The following UPK3A variants were observed in gnomAD, a reference collection of about 807,000 sequenced individuals.
UPK3A encodes the protein uroplakin-3a.
A neutral mutation model predicts 27.6 loss-of-function variants in UPK3A; 32 were observed. That is an observed-to-expected ratio of 1.16 (90% confidence interval 0.87 to 1.55). The LOEUF (loss-of-function observed/expected upper bound fraction) is 1.55, where lower values mean the gene tolerates loss of function less well. UPK3A is among the 40% of genes most tolerant of loss of function. UPK3A has a pLI of 0.00. For missense variants in UPK3A, 370 were observed against 367.9 expected (o/e 1.01, Z -0.05); for synonymous variants, 171 against 163.9 (o/e 1.04, Z -0.33).
At position 45,293,492 on chromosome 22, in the gene UPK3A, G is replaced by A. The variant is rs534257833; in HGVS notation, c.704+179G>A. ...GAGCAGAGTCCTGGGATTTCAAAGC[G>A]GGAGGATCATCAAAGTCAAGTTGCT... On this transcript the variant is annotated intron_variant, in intron 5 of 5. Transcript: ENST00000216211. Among the ~76,000 whole-genome samples, 7 of 152,246 alleles carry A rather than the reference G, an allele frequency of 4.6e-5. No individual in the cohort carries two copies. In the East Asian group the frequency reaches 7.7e-4, roughly 17 times the overall value.
At chr22:45,285,401 G>T (rs932306788) in intron 1 of UPK3A, among the ~76,000 whole-genome samples, 4 of 152,174 alleles carry the variant, frequency 2.6e-5, no homozygotes, top group African/African-American at 4.8e-5. Flanking sequence ...TTCATGGAGG[G>T]GAGACAATAT....
intron 1 of UPK3A, 64 bp downstream of exon 1, chr22:45,285,129 C>T: frequency 6.9e-7 from 1 of 1,444,728 alleles, no homozygotes; most frequent in Non-Finnish European, 9.3e-7. Context: ...CCCTGGGGCG[C>T]CCGCCGCCTG....
At chr22:45,291,447 AGT>A (rs796958228) in intron 4 of UPK3A, among the ~76,000 whole-genome samples, 341 of 132,120 alleles carry the variant, frequency 2.6e-3, no homozygotes, top group African/African-American at 9.4e-3. Context: ...GTGGTGTGAG[AGT>A]GTGGCAGGTG....
chr22:45,287,032 T>C (rs952914865), intron 2 of UPK3A, 140 bp from the exon 3 acceptor site: 48 of 1,269,406 alleles, frequency 3.8e-5, no homozygotes, highest in Middle Eastern at 5.3e-4. Context: ...GGGCAGAGAC[T>C]AAGTTTGCCC....
intron 5 of UPK3A, among the ~76,000 whole-genome samples, chr22:45,294,490 T>A (rs1237637796): frequency 6.6e-6 from 1 of 151,868 alleles, no homozygotes; most frequent in East Asian, 1.9e-4. Flanking sequence ...GAGTCCCGGG[T>A]TGTAGGCCCC....
rs1230939832 is a variant in UPK3A, at chr22:45,291,734, G to C, written c.572-1447G>C. On this transcript the variant is annotated intron_variant, in intron 4 of 5. Transcript: ENST00000216211. ...GTGTGTGTGAGTTGGTATGCGTGGT[G>C]TGTGTAACTGTGTGTGTGTGAGTTG... Among the ~76,000 whole-genome samples, 3 of 150,532 alleles carry C rather than the reference G, an allele frequency of 2.0e-5. No homozygotes were observed. The East Asian group carries it at 5.9e-4, about 30-fold the overall frequency.
At chr22:45,288,598 G>A (rs2084136435) in intron 3 of UPK3A, among the ~76,000 whole-genome samples, 1 of 152,226 alleles carries the variant, frequency 6.6e-6, no homozygotes, top group Non-Finnish European at 1.5e-5. Context: ...CTCCCAAACT[G>A]TTGGGATTAC....
At chr22:45,294,677 T>C (rs2084183354) in intron 5 of UPK3A, among the ~76,000 whole-genome samples, 1 of 152,150 alleles carries the variant, frequency 6.6e-6, no homozygotes, top group South Asian at 2.1e-4. Context: ...GACAGTGCCC[T>C]AATCTGGCAC....
At chr22:45,293,160 C>T (rs774731455) in intron 4 of UPK3A, 21 bp from the exon 5 acceptor site, 2 of 1,612,930 alleles carry the variant, frequency 1.2e-6, no homozygotes, top group Non-Finnish European at 1.7e-6. Context: ...TGGGAAGTAA[C>T]CGGGCTGCAT....
chr22:45,285,445 C>T (rs542690046), intron 1 of UPK3A, among the ~76,000 whole-genome samples: 30 of 152,180 alleles, frequency 2.0e-4, no homozygotes, highest in Non-Finnish European at 4.0e-4. Flanking sequence ...TCCATGGGAC[C>T]AGCTGGAGCC....
chr22:45,287,538 A>G (rs1275195067), intron 3 of UPK3A, 87 bp downstream of exon 3: 1 of 1,499,704 alleles, frequency 6.7e-7, no homozygotes, highest in Admixed American at 2.0e-5. Context: ...GAGCAGCCAC[A>G]CTTCTTGAGA....
chr22:45,294,421 C>CT (rs397962757), intron 5 of UPK3A, among the ~76,000 whole-genome samples: 315 of 151,878 alleles, frequency 2.1e-3, no homozygotes, highest in African/African-American at 6.0e-3. Context: ...ACACCCCCCC[C>CT]GGGAGACCTC....
chr22:45,295,456 A>G (rs764977596), intron 5 of UPK3A, 104 bp from the exon 6 acceptor site: 43 of 1,238,214 alleles, frequency 3.5e-5, no homozygotes, highest in South Asian at 1.4e-4. Flanking sequence ...TACGAAGACG[A>G]TATCTGTGAA....
In UPK3A at chr22:45,290,126, C is replaced by T. The variant is rs534472597; in HGVS notation, c.571+983C>T. ...CCTGGGCGGCTTTCCTGAGGTGGAA[C>T]GCCAGGGTGCTGCGCTGTTCCTTGC... is the stretch of plus-strand genomic sequence containing the variant. On this transcript the variant is annotated intron_variant, in intron 4 of 5. Transcript: ENST00000216211. 2.6e-5 allele frequency among the ~76,000 whole-genome samples: 4 copies of T among 152,360 alleles called. No individual in the cohort carries two copies. In the East Asian group the frequency reaches 5.8e-4, roughly 22 times the overall value.
Position 45,293,268 on chromosome 22 carries a change from T to A in UPK3A, c.659T>A (p.Phe220Tyr). 1 of 1,614,146 alleles carries A rather than the reference T, an allele frequency of 6.2e-7. No homozygotes were observed. The highest frequency in any genetic ancestry group is 1.1e-5 in the South Asian group (1 of 91,084). The change falls in exon 5 of 6, where the codon TTC (phenylalanine) becomes TAC (tyrosine). Residue 220 changes from phenylalanine (F) to tyrosine (Y), a missense_variant. Coordinates refer to ENST00000216211, the MANE Select transcript of UPK3A (RefSeq NM_006953.4). Reference sequence around the variant, plus strand: ...ACTTCCATCCTGGGCTCCCTGCCCTTCTTTCTACTTGTGGGTTTTGCTGGC... The same window carrying A: ...ACTTCCATCCTGGGCTCCCTGCCCTACTTTCTACTTGTGGGTTTTGCTGGC... ...VITSILGSLPFFLLVGFAGAI... is the reference protein window; with the variant it reads ...VITSILGSLPYFLLVGFAGAI...
At chr22:45,285,667 G>A (rs960509128) in intron 1 of UPK3A, among the ~76,000 whole-genome samples, 2 of 152,172 alleles carry the variant, frequency 1.3e-5, no homozygotes, top group African/African-American at 4.8e-5. Flanking sequence ...GAGGAGGGCT[G>A]GGCCGATGGC....
chr22:45,287,492 C>T, intron 3 of UPK3A, 41 bp downstream of exon 3: 1 of 1,558,036 alleles, frequency 6.4e-7, no homozygotes, highest in Non-Finnish European at 8.7e-7. Context: ...CGCGGCAGTT[C>T]CCCAGTCCTG....
chr22:45,294,189 C>A (rs2084180348), intron 5 of UPK3A, among the ~76,000 whole-genome samples: 1 of 152,066 alleles, frequency 6.6e-6, no homozygotes, highest in Non-Finnish European at 1.5e-5. Context: ...GCCCAGGGGA[C>A]TTTGAAGACT....
At chr22:45,293,735 C>A (rs2084177378) in intron 5 of UPK3A, among the ~76,000 whole-genome samples, 1 of 152,142 alleles carries the variant, frequency 6.6e-6, no homozygotes, top group Non-Finnish European at 1.5e-5. Context: ...TAGAGCAGTG[C>A]CTGGGAACTC....
Sources: gnomAD v4.1 joint callset for allele counts (sites outside exome capture counted in the v4.1 genomes callset) on GRCh38, gnomAD v4.1.1 for gene constraint, MANE v1.5 for transcripts, NCBI Gene and HGNC (gene_info 2026-07-23, HGNC 2026-07-21) for gene names.